ARL13B: variants seen among roughly 807,000 people sequenced by gnomAD.
ARL13B encodes ARF like GTPase 13B.
ARL13B carries 36 observed loss-of-function variants against 56.1 expected under a neutral mutation model. The ratio of observed to expected loss-of-function variants is 0.64; its 90% confidence interval spans 0.49 to 0.85. ARL13B has a LOEUF of 0.85. ARL13B is among the 40% of genes least tolerant of loss of function. The probability of loss-of-function intolerance (pLI) is 0.00; values close to 1 mark genes in which losing one functional copy is unlikely to be tolerated. For synonymous variants in ARL13B, 178 were observed against 171.1 expected (o/e 1.04, Z -0.32); for missense variants, 519 against 507.1 (o/e 1.02, Z -0.23).
At chr3:94,041,492 GA>G in intron 6 of ARL13B, among the ~76,000 whole-genome samples, 1 of 152,134 alleles carries the variant, frequency 6.6e-6, no homozygotes, top group Middle Eastern at 3.4e-3. Context: ...CTTGGAGGAG[GA>G]AAAAATTTCA....
intron 1 of ARL13B, among the ~76,000 whole-genome samples, chr3:93,984,692 A>G (rs1423251335): frequency 6.6e-6 from 1 of 152,188 alleles, no homozygotes; most frequent in African/African-American, 2.4e-5. Context: ...TTATATTTTC[A>G]ACTTTTTGTG....
intron 3 of ARL13B, among the ~76,000 whole-genome samples, chr3:94,006,080 C>A (rs951281435): frequency 6.6e-6 from 1 of 152,086 alleles, no homozygotes; most frequent in Non-Finnish European, 1.5e-5. Context: ...GAGGGCAGAT[C>A]ACGAGGTCAG....
At chr3:94,026,570 T>C (rs532132532) in intron 3 of ARL13B, among the ~76,000 whole-genome samples, 1 of 152,340 alleles carries the variant, frequency 6.6e-6, no homozygotes, top group East Asian at 1.9e-4. Context: ...TGAATTAGAA[T>C]GTTAGGCAAA....
intron 9 of ARL13B, among the ~76,000 whole-genome samples, chr3:94,052,160 T>C (rs1385126483): frequency 2.6e-5 from 4 of 152,158 alleles, no homozygotes; most frequent in Admixed American, 2.6e-4. Flanking sequence ...ACTGTGTATA[T>C]TTATATGTAC....
intron 1 of ARL13B, among the ~76,000 whole-genome samples, chr3:93,989,391 G>T (rs1210973063): frequency 6.6e-6 from 1 of 152,108 alleles, no homozygotes. Flanking sequence ...TGGTAGAGGA[G>T]CCTGTATAAA....
chr3:94,005,174 A>T (rs899986870), intron 3 of ARL13B, among the ~76,000 whole-genome samples: 6 of 152,184 alleles, frequency 3.9e-5, no homozygotes, highest in African/African-American at 1.4e-4. Context: ...GGGTTGGGAA[A>T]GTGTTTGGGA....
chr3:94,029,642 A>G (rs186602147), intron 3 of ARL13B, among the ~76,000 whole-genome samples: 1 of 151,980 alleles, frequency 6.6e-6, no homozygotes, highest in Non-Finnish European at 1.5e-5. Context: ...TGCCCGGCCA[A>G]TCACATTTAT....
intron 2 of ARL13B, among the ~76,000 whole-genome samples, chr3:94,000,699 T>A (rs2076041082): frequency 6.6e-6 from 1 of 152,126 alleles, no homozygotes; most frequent in South Asian, 2.1e-4. Flanking sequence ...GAAGATGGAT[T>A]TTATTAATCT....
intron 2 of ARL13B, 134 bp from the exon 3 acceptor site, chr3:94,003,525 G>T: frequency 1.0e-6 from 1 of 1,004,748 alleles, no homozygotes; most frequent in Middle Eastern, 3.2e-4. Flanking sequence ...CCCCAAACCA[G>T]TATGCTTCAA....
At chr3:93,995,488 A>G (rs2075951300) in intron 1 of ARL13B, among the ~76,000 whole-genome samples, 1 of 152,206 alleles carries the variant, frequency 6.6e-6, no homozygotes, top group Non-Finnish European at 1.5e-5. Context: ...GTACTTTCAT[A>G]AGATAAACAG....
chr3:94,001,730 G>A (rs186164924), intron 2 of ARL13B, among the ~76,000 whole-genome samples: 1 of 152,232 alleles, frequency 6.6e-6, no homozygotes, highest in East Asian at 1.9e-4. Context: ...CCAAGGAGGT[G>A]TTTGATACAT....
At chr3:94,052,266 TG>T (rs1468296628) in intron 9 of ARL13B, among the ~76,000 whole-genome samples, 1 of 152,138 alleles carries the variant, frequency 6.6e-6, no homozygotes, top group African/African-American at 2.4e-5. Flanking sequence ...GTTAAAACAT[TG>T]GTAATAACAA....
chr3:93,980,406 T>G lies in ARL13B; in HGVS notation c.-18T>G, dbSNP rs368788559. 2 of 1,610,744 alleles carry G rather than the reference T, an allele frequency of 1.2e-6. No homozygotes were observed. Among genetic ancestry groups the G allele is most frequent in the Non-Finnish European group, 1.7e-6 (2 of 1,179,804 alleles). ...CGCTCCGGGCTCGGATGGGAAGTGG[T>G]GGGAGGAGCGACCCGGGATGTTCAG... On this transcript the variant is annotated 5_prime_UTR_variant, in exon 1 of 10. Coordinates refer to ENST00000394222, the MANE Select transcript of ARL13B (RefSeq NM_001174150.2).
intron 8 of ARL13B, 82 bp from the exon 9 acceptor site, chr3:94,050,742 C>G: frequency 8.5e-7 from 1 of 1,172,220 alleles, no homozygotes; most frequent in South Asian, 1.3e-5. Context: ...ACATATGCTT[C>G]CTTTCCAGGG....
intron 1 of ARL13B, among the ~76,000 whole-genome samples, chr3:93,989,240 A>G (rs1206585417): frequency 1.3e-5 from 2 of 152,186 alleles, no homozygotes; most frequent in Non-Finnish European, 2.9e-5. Flanking sequence ...TTCTCAATCT[A>G]AAGTTATGTA....
intron 3 of ARL13B, chr3:94,015,348 C>T: frequency 8.1e-7 from 1 of 1,229,102 alleles, no homozygotes; most frequent in Non-Finnish European, 1.1e-6. Flanking sequence ...TAGCAGTTGA[C>T]TTCACATAAC....
chr3:93,994,812 T>G (rs75796892), intron 1 of ARL13B, among the ~76,000 whole-genome samples: 3 of 152,032 alleles, frequency 2.0e-5, no homozygotes, highest in Non-Finnish European at 4.4e-5. Flanking sequence ...TTTTTTTTTT[T>G]GTAAATCTCT....
chr3:94,043,423 T>C (rs887501131), intron 7 of ARL13B, among the ~76,000 whole-genome samples, 183 bp downstream of exon 7: 1 of 151,380 alleles, frequency 6.6e-6, no homozygotes, highest in Non-Finnish European at 1.5e-5. Flanking sequence ...AACCTGTTTT[T>C]CCATGACTTA....
At chr3:94,032,396 A>C (rs1283668521) in intron 3 of ARL13B, among the ~76,000 whole-genome samples, 1 of 152,290 alleles carries the variant, frequency 6.6e-6, no homozygotes, top group East Asian at 1.9e-4. Context: ...TGAAAAGTTA[A>C]AACATAGCAG....
Sources: allele counts gnomAD v4.1 joint callset (sites outside exome capture counted in the v4.1 genomes callset), GRCh38; gene constraint gnomAD v4.1.1; transcripts MANE v1.5; gene names NCBI Gene and HGNC (gene_info 2026-07-23, HGNC 2026-07-21).